GTF2A1L: variants seen among roughly 807,000 people sequenced by gnomAD.
GTF2A1L encodes the protein TFIIA-alpha and beta-like factor.
GTF2A1L carries 48 observed loss-of-function variants against 49.7 expected under a neutral mutation model. The ratio of observed to expected loss-of-function variants is 0.97; its 90% CI spans 0.77 to 1.23. GTF2A1L has a LOEUF of 1.23. GTF2A1L is among the 50% of genes most tolerant of loss of function. GTF2A1L has a pLI of 0.00. For missense variants in GTF2A1L, 736 were observed against 564.8 expected (o/e 1.30, Z -3.07); for synonymous variants, 246 against 193.5 (o/e 1.27, Z -2.25).
chr2:48,661,658 T>A (rs1274365298), intron 6 of GTF2A1L, among the ~76,000 whole-genome samples: 1 of 151,776 alleles, frequency 6.6e-6, no homozygotes, highest in Non-Finnish European at 1.5e-5. Flanking sequence ...TAAAAATTAT[T>A]TTTTCCTTTT....
chr2:48,677,924 A>T (rs1679561304), intron 8 of GTF2A1L, among the ~76,000 whole-genome samples: 1 of 151,698 alleles, frequency 6.6e-6, no homozygotes, highest in Non-Finnish European at 1.5e-5. Flanking sequence ...GATGGGGAAG[A>T]TTGTGAGGTT....
chr2:48,652,849 C>T, intron 6 of GTF2A1L, among the ~76,000 whole-genome samples: 1 of 151,188 alleles, frequency 6.6e-6, no homozygotes, highest in East Asian at 2.1e-4. Flanking sequence ...CCTATGCCAC[C>T]ACGCCCAGCT....
intron 6 of GTF2A1L, among the ~76,000 whole-genome samples, chr2:48,655,835 G>A (rs1678138818): frequency 6.6e-6 from 1 of 152,126 alleles, no homozygotes; most frequent in African/African-American, 2.4e-5. Context: ...TGCCCATTAA[G>A]CAGTAACTCC....
At chr2:48,677,490 C>T (rs1037178706) in intron 8 of GTF2A1L, among the ~76,000 whole-genome samples, 1 of 151,796 alleles carries the variant, frequency 6.6e-6, no homozygotes, top group Non-Finnish European at 1.5e-5. Flanking sequence ...GGGAACAGTG[C>T]AGAGGCCAGA....
intron 6 of GTF2A1L, among the ~76,000 whole-genome samples, chr2:48,651,622 G>T (rs1677851791): frequency 6.6e-6 from 1 of 152,082 alleles, no homozygotes; most frequent in Non-Finnish European, 1.5e-5. Flanking sequence ...CTAAGACACA[G>T]CCAATAATTC....
At chr2:48,642,915 T>C (rs1677283467) in intron 4 of GTF2A1L, among the ~76,000 whole-genome samples, 1 of 151,952 alleles carries the variant, frequency 6.6e-6, no homozygotes, top group Non-Finnish European at 1.5e-5. Context: ...ATCTGTAGCA[T>C]AGATGTAATA....
chr2:48,647,421 G>A (rs1677585176), intron 6 of GTF2A1L, among the ~76,000 whole-genome samples: 1 of 152,074 alleles, frequency 6.6e-6, no homozygotes, highest in South Asian at 2.1e-4. Flanking sequence ...CAGAGAAAAT[G>A]CGTTTGTTTT....
chr2:48,671,132 T>A (rs1403039921), intron 7 of GTF2A1L, among the ~76,000 whole-genome samples: 1 of 151,888 alleles, frequency 6.6e-6, no homozygotes, highest in Non-Finnish European at 1.5e-5. Flanking sequence ...CAAACAGGGA[T>A]TTAAACCCAG....
At position 48,646,239 on chromosome 2, in the gene GTF2A1L, A is replaced by C. The variant is rs1389371366; in HGVS notation, c.389-214A>C. Among the ~76,000 whole-genome samples the C allele has an allele frequency of 2.6e-5, 4 of 152,148 alleles. No individual in the cohort carries two copies. The South Asian group carries it at 6.2e-4, about 24-fold the overall frequency. ...GAAAAGTCTGGAATTAAAGCAAAACATATGTAATTAAAAAAATAAGAATTT... is the reference window on the plus strand; with the variant it reads ...GAAAAGTCTGGAATTAAAGCAAAACCTATGTAATTAAAAAAATAAGAATTT... On this transcript the variant is annotated intron_variant, in intron 5 of 8. Coordinates refer to ENST00000403751, the MANE Select transcript of GTF2A1L (RefSeq NM_006872.5).
Position 48,645,075 on chromosome 2 carries a change from C to T in GTF2A1L, c.346C>T (p.Pro116Ser), listed in dbSNP as rs767692448. Residue 116 changes from proline (P) to serine (S), a missense_variant, in exon 5 of 9, where the codon CCC becomes TCC. Transcript: ENST00000403751. ...TGCAAACTTTACTTTTCCTGGTTAT[C>T]CCATTCATGTACCAGCAGGTGTGAC... ...SSANFTFPGY[P>S]IHVPAGVTLQ... The T allele has an allele frequency of 2.0e-5, 33 of 1,612,728 alleles. No homozygotes were observed. Among genetic ancestry groups the T allele is most frequent in the Non-Finnish European group, 2.4e-5 (28 of 1,179,558 alleles).
chr2:48,668,837 AAAAT>A (rs10529379), intron 6 of GTF2A1L, among the ~76,000 whole-genome samples: 25,736 of 150,352 alleles, frequency 0.17, 2,538 homozygotes, highest in South Asian at 0.24. Context: ...CCCGCCTCAA[AAAAT>A]AAATAAATAA....
chr2:48,672,963 G>A (rs1341548359), intron 8 of GTF2A1L, among the ~76,000 whole-genome samples: 1 of 152,106 alleles, frequency 6.6e-6, no homozygotes, highest in African/African-American at 2.4e-5. Flanking sequence ...CTCCAAGCCT[G>A]TAGGCCTAAG....
chr2:48,644,793 G>T (rs1405636406), intron 4 of GTF2A1L, among the ~76,000 whole-genome samples: 1 of 152,128 alleles, frequency 6.6e-6, no homozygotes, highest in East Asian at 1.9e-4. Context: ...TGTTTATACT[G>T]TTCATTAGGA....
At chr2:48,638,539 A>T (rs1240120458) in intron 3 of GTF2A1L, among the ~76,000 whole-genome samples, 1 of 152,194 alleles carries the variant, frequency 6.6e-6, no homozygotes, top group Non-Finnish European at 1.5e-5. Context: ...TCATGTTAAA[A>T]ACTCTCAAGA....
intron 8 of GTF2A1L, among the ~76,000 whole-genome samples, chr2:48,678,825 A>T (rs1433135486): frequency 6.6e-6 from 1 of 151,756 alleles, no homozygotes; most frequent in Non-Finnish European, 1.5e-5. Flanking sequence ...GACATACTGG[A>T]CTCTGTGCTG....
Position 48,620,260 on chromosome 2 carries a change from A to T in GTF2A1L, c.22-591A>T, listed in dbSNP as rs368396179. Among the ~76,000 whole-genome samples the T allele has an allele frequency of 2.1e-3, 317 of 152,382 alleles. 2 individuals carry two copies. Among genetic ancestry groups the T allele is most frequent in the African/African-American group, 7.2e-3 (299 of 41,586 alleles). The stretch of plus-strand genomic sequence containing the variant: ...CACAAAAGGCAAGTAACATGACAAT[A>T]ACCATGCATCTTTGAGATTATTAGC... On this transcript the variant is annotated intron_variant, in intron 1 of 8. Transcript: ENST00000403751.
In GTF2A1L at chr2:48,646,987, C is replaced by A; in HGVS notation, c.923C>A (p.Ser308Tyr). The A allele has an allele frequency of 6.2e-7, 1 of 1,613,954 alleles. No individual in the cohort carries two copies. Among genetic ancestry groups the A allele is most frequent in the Non-Finnish European group, 8.5e-7 (1 of 1,179,964 alleles). Residue 308 changes from serine (S) to tyrosine (Y), a missense_variant, in exon 6 of 9, where the codon TCT (serine) becomes TAT (tyrosine). Physicochemically the swap from Ser to Tyr is moderately radical, Grantham distance 144. Coordinates refer to ENST00000403751, the MANE Select transcript of GTF2A1L (RefSeq NM_006872.5). The part of the protein sequence containing the change: ...ILKNRMYGCD[S>Y]VKQPRNIEEP... ...AAAAATAGGATGTATGGATGTGATTCTGTAAAGCAACCAAGAAATATAGAG... is the reference window on the plus strand; with the variant it reads ...AAAAATAGGATGTATGGATGTGATTATGTAAAGCAACCAAGAAATATAGAG...
Position 48,646,827 on chromosome 2 carries a change from C to G in GTF2A1L, c.763C>G (p.Gln255Glu), listed in dbSNP as rs773696625. The change falls in exon 6 of 9, where the codon CAA (glutamine) becomes GAA (glutamate). Residue 255 changes from glutamine (Q) to glutamate (E), a missense_variant. Transcript: ENST00000403751. ...PGVVFSPQVS[Q>E]TNSNVESVLS... is the part of the protein sequence containing the mutation. ...TGTTGTATTTTCTCCACAGGTCTCT[C>G]AAACAAATTCTAATGTGGAGTCAGT... 6.2e-7 allele frequency: 1 copy of G among 1,614,180 alleles called. No individual in the cohort carries two copies. Among genetic ancestry groups the G allele is most frequent in the South Asian group, 1.1e-5 (1 of 91,086 alleles).
rs748293949 is a variant in GTF2A1L, at chr2:48,679,462, T to C, written c.*20T>C. The C allele has an allele frequency of 1.2e-6, 2 of 1,610,916 alleles. No homozygotes were observed. Among genetic ancestry groups the C allele is most frequent in the African/African-American group, 2.7e-5 (2 of 74,896 alleles). On this transcript the variant is annotated 3_prime_UTR_variant, in exon 9 of 9. Transcript: ENST00000403751. ...TGGTAAACCTTGTGAGCTCAGTACATCTATTTTGTGAACATCAGTTGGATT... is the reference window on the plus strand; with the variant it reads ...TGGTAAACCTTGTGAGCTCAGTACACCTATTTTGTGAACATCAGTTGGATT...
Sources: gnomAD v4.1 joint callset for allele counts (sites outside exome capture counted in the v4.1 genomes callset) on GRCh38, gnomAD v4.1.1 for gene constraint, MANE v1.5 for transcripts, NCBI Gene and HGNC (gene_info 2026-07-23, HGNC 2026-07-21) for gene names.